F8: variants seen among roughly 807,000 people sequenced by gnomAD.
F8 encodes coagulation factor VIII, also known as antihemophilic factor.
A neutral mutation model predicts 140.6 loss-of-function variants in F8; 12 were observed. The ratio of observed to expected loss-of-function variants is 0.09; its 90% CI spans 0.05 to 0.14. The LOEUF (loss-of-function observed/expected upper bound fraction) is 0.14. Ranked by LOEUF, F8 falls within the 10% of genes least tolerant of loss-of-function variation. The pLI is 1.00. For synonymous variants in F8, 585 were observed against 614.6 expected, an observed-to-expected ratio of 0.95 and a Z score of 0.71; for missense variants, 1,354 against 1,720.7, an observed-to-expected ratio of 0.79 and a Z score of 3.77.
intron 1 of F8, among the ~76,000 whole-genome samples, chrX:155,017,039 G>T (rs989832436): frequency 8.9e-6 from 1 of 112,123 alleles, no homozygotes; most frequent in Non-Finnish European, 1.9e-5. Context: ...AATTACCCAG[G>T]TCGGCCCAAT....
At chrX:154,915,974 T>A (rs1245697626) in intron 14 of F8, among the ~76,000 whole-genome samples, 1 of 112,203 alleles carries the variant, frequency 8.9e-6, no homozygotes, top group Non-Finnish European at 1.9e-5. Context: ...TTTTGAGGTA[T>A]GCTCCTTTAA....
intron 13 of F8, among the ~76,000 whole-genome samples, chrX:154,944,908 C>T (rs1557280176): frequency 2.7e-5 from 3 of 110,396 alleles, no homozygotes; most frequent in South Asian, 3.9e-4. Context: ...TCTCAGTAAA[C>T]GATCGCAAGA....
At chrX:155,003,427 G>GA (rs781990590) in intron 1 of F8, among the ~76,000 whole-genome samples, 3,009 of 86,992 alleles carry the variant, frequency 0.035, 37 homozygotes, top group African/African-American at 0.043. Flanking sequence ...AAAAAAGACT[G>GA]AAAAAAAAAA....
chrX:154,935,553 C>T (rs782676682), intron 13 of F8, among the ~76,000 whole-genome samples: 1 of 111,934 alleles, frequency 8.9e-6, no homozygotes, highest in African/African-American at 3.2e-5. Context: ...AGATCATAGA[C>T]ATATATGTAA....
intron 4 of F8, among the ~76,000 whole-genome samples, 190 bp downstream of exon 4, chrX:154,992,746 T>G (rs1276507837): frequency 8.9e-6 from 1 of 112,650 alleles, no homozygotes; most frequent in African/African-American, 3.2e-5. Context: ...GCTTAGAGTT[T>G]ATTGTGGTTA....
intron 1 of F8, 125 bp from the exon 2 acceptor site, chrX:154,999,725 C>T (rs1324180193): frequency 1.3e-5 from 10 of 789,289 alleles, no homozygotes; most frequent in Admixed American, 7.2e-5. Flanking sequence ...GTATATAAAT[C>T]CCTAACATCC....
At chrX:154,995,443 A>G (rs1317166490) in intron 3 of F8, among the ~76,000 whole-genome samples, 1 of 111,926 alleles carries the variant, frequency 8.9e-6, no homozygotes, top group Non-Finnish European at 1.9e-5. Context: ...GGTTGTTGGT[A>G]GAATAGGTGG....
chrX:154,981,810 A>G (rs910676233), intron 6 of F8, among the ~76,000 whole-genome samples: 3 of 111,447 alleles, frequency 2.7e-5, no homozygotes, highest in Non-Finnish European at 5.6e-5. Context: ...AATTTATGAC[A>G]ATTTGAAAAA....
chrX:154,841,257 G>C (rs188272652), intron 25 of F8, among the ~76,000 whole-genome samples: 3 of 94,644 alleles, frequency 3.2e-5, no homozygotes, highest in Non-Finnish European at 6.2e-5. Flanking sequence ...TCTGGAGCAA[G>C]GTTGGCTAGA....
chrX:154,992,840 A>G, intron 4 of F8, 96 bp downstream of exon 4: 1 of 842,808 alleles, frequency 1.2e-6, no homozygotes, highest in South Asian at 2.1e-5. Flanking sequence ...AGCCTCTTTC[A>G]GGTGAAGGAA....
intron 6 of F8, among the ~76,000 whole-genome samples, chrX:154,982,056 T>C (rs782688609): frequency 9.1e-6 from 1 of 109,702 alleles, no homozygotes; most frequent in East Asian, 2.9e-4. Context: ...TGGTGGCACA[T>C]GCCTGTAATC....
intron 22 of F8, among the ~76,000 whole-genome samples, chrX:154,880,699 G>A (rs971823239): frequency 1.1e-4 from 12 of 111,916 alleles, no homozygotes; most frequent in Non-Finnish European, 2.3e-4. Flanking sequence ...AGTCCTAGCT[G>A]GAGAATCTAA....
intron 25 of F8, among the ~76,000 whole-genome samples, chrX:154,846,990 ATCTC>A (rs2072572243): frequency 9.0e-6 from 1 of 111,438 alleles, no homozygotes; most frequent in African/African-American, 3.3e-5. Context: ...TGGTGACAAA[ATCTC>A]TCAGCATTTG....
chrX:154,965,342 G>A (rs1311011596), intron 9 of F8, among the ~76,000 whole-genome samples: 6 of 111,260 alleles, frequency 5.4e-5, no homozygotes, highest in Non-Finnish European at 9.4e-5. Flanking sequence ...TGAATTTATG[G>A]AACCAACGAC....
intron 25 of F8, among the ~76,000 whole-genome samples, chrX:154,856,851 C>T (rs1443138056): frequency 4.5e-5 from 5 of 112,047 alleles, no homozygotes; most frequent in African/African-American, 1.6e-4. Flanking sequence ...TGGCTCTGAA[C>T]TGGCACTAAT....
chrX:154,982,456 A>C (rs1427223946), intron 6 of F8, among the ~76,000 whole-genome samples: 1 of 104,821 alleles, frequency 9.5e-6, no homozygotes, highest in Non-Finnish European at 1.9e-5. Context: ...AAAAAAAAAA[A>C]AAAAAAAAAT....
At chrX:154,979,601 C>T (rs782043401) in intron 6 of F8, among the ~76,000 whole-genome samples, 1 of 111,837 alleles carries the variant, frequency 8.9e-6, no homozygotes, top group Non-Finnish European at 1.9e-5. Context: ...AGGCAGGTAG[C>T]TTGGGAGCAC....
In F8 at chrX:154,904,064, G is replaced by A. The variant is rs1569559517; in HGVS notation, c.5840C>T (p.Thr1947Ile). The stretch of plus-strand genomic sequence containing the variant: ...CTGAGCCATTACTAAGCCAGGTAGT[G>A]TATCCATTATGTAGCCATTGATTGC... ...FHAINGYIMD[T>I]LPGLVMAQDQ... is the part of the protein sequence containing the mutation. The change falls in exon 18 of 26, where the codon ACA becomes ATA. Residue 1947 changes from threonine to isoleucine, a missense_variant. Transcript: ENST00000360256. The A allele has an allele frequency of 4.1e-6, 5 of 1,211,379 alleles. No homozygotes were observed. Among genetic ancestry groups the A allele is most frequent in the Admixed American group, 2.2e-5 (1 of 46,014 alleles).
intron 22 of F8, among the ~76,000 whole-genome samples, chrX:154,869,919 T>C (rs1232711482): frequency 1.8e-5 from 2 of 111,829 alleles, no homozygotes; most frequent in South Asian, 3.7e-4. Flanking sequence ...TATAAACACG[T>C]CTATGCAGAT....
Sources: allele counts gnomAD v4.1 joint callset (sites outside exome capture counted in the v4.1 genomes callset), GRCh38; gene constraint gnomAD v4.1.1; transcripts MANE v1.5; gene names NCBI Gene and HGNC (gene_info 2026-07-23, HGNC 2026-07-21).